RPE65: variants seen among roughly 807,000 people sequenced by gnomAD.
RPE65 encodes the protein retinoid isomerohydrolase RPE65, also known as retinoid isomerohydrolase.
In RPE65, 58 loss-of-function variants were observed where a neutral mutation model predicts 68.5. The observed-to-expected ratio is 0.85, with a 90% CI of 0.69 to 1.05. The LOEUF (loss-of-function observed/expected upper bound fraction) is 1.05, where lower values mean the gene tolerates loss of function less well. RPE65 is among the 50% of genes least tolerant of loss of function. The probability of loss-of-function intolerance (pLI) is 0.00; values close to 1 mark genes in which losing one functional copy is unlikely to be tolerated. For missense variants in RPE65, 643 were observed against 629.9 expected (o/e 1.02, Z -0.22); for synonymous variants, 220 against 222.2 (o/e 0.99, Z 0.09).
chr1:68,431,281 C>T lies in RPE65; in HGVS notation c.1338+1G>A, dbSNP rs1057518922. On this transcript the variant is annotated splice_donor_variant, in intron 12 of 13. Transcript: ENST00000262340. LOFTEE classifies it high-confidence loss of function. ...AAATATTAGTAAGAAGGATTAATTA[C>T]CCTATCTGGAACAAAGTGATTCAAG... The T allele has an allele frequency of 6.2e-7, 1 of 1,613,550 alleles. No individual in the cohort carries two copies. The highest frequency in any genetic ancestry group is 8.5e-7 in the Non-Finnish European group (1 of 1,179,592).
At position 68,431,065 on chromosome 1, in the gene RPE65, C is replaced by T; in HGVS notation, c.1450G>A (p.Gly484Ser). The T allele has an allele frequency of 6.2e-7, 1 of 1,611,752 alleles. No homozygotes were observed. The highest frequency in any genetic ancestry group is 8.5e-7 in the Non-Finnish European group (1 of 1,178,032). ...SHPDALEEDD[G>S]VVLSVVVSPG... ...CAGACACAACAATTGCTTTCATTACCATCATCTTCTTCCAAGGCATCTGGG... is the reference window on the plus strand; with the variant it reads ...CAGACACAACAATTGCTTTCATTACTATCATCTTCTTCCAAGGCATCTGGG... Residue 484 changes from glycine to serine, a missense_variant and splice_region_variant, in exon 13 of 14, where the codon GGT becomes AGT. Gly to Ser is a moderately conservative substitution (Grantham distance 56). Coordinates refer to ENST00000262340, the MANE Select transcript of RPE65 (RefSeq NM_000329.3).
In RPE65 at chr1:68,438,247, A is replaced by AT. The variant is rs281865520; in HGVS notation, c.1067dup (p.Asn356LysfsTer9). ...CTTCAGGTTGGGGAGCCTTTCTGGC[A>AT]TTTTTTTTCACCTCTTCCCAGTTCT... On this transcript the variant is annotated frameshift_variant, in exon 10 of 14. Transcript: ENST00000262340. LOFTEE classifies it high-confidence loss of function. 1.2e-5 allele frequency: 19 copies of AT among 1,612,946 alleles called. No individual in the cohort carries two copies. The highest frequency in any genetic ancestry group is 1.6e-4 in the Middle Eastern group (1 of 6,062).
chr1:68,444,170 C>CATGAATGA (rs139237373), intron 5 of RPE65, among the ~76,000 whole-genome samples: 2 of 152,202 alleles, frequency 1.3e-5, no homozygotes, highest in Admixed American at 6.5e-5. Flanking sequence ...GTATTTGTGT[C>CATGAATGA]ATGAATGAAT....
At chr1:68,447,382 A>G (rs1460907918) in intron 2 of RPE65, among the ~76,000 whole-genome samples, 1 of 152,224 alleles carries the variant, frequency 6.6e-6, no homozygotes, top group Non-Finnish European at 1.5e-5. Flanking sequence ...AGTGTGAGCT[A>G]CTGCTTGGAT....
Position 68,438,456 on chromosome 1 carries a change from A to G in RPE65, c.999-140T>C, listed in dbSNP as rs995777666. ...ACTGCTATTGAGCCAGGTGTATCAG[A>G]GCCATTTCCTCCCGCCCACACAGGA... On this transcript the variant is annotated intron_variant, in intron 9 of 13. Coordinates refer to ENST00000262340, the MANE Select transcript of RPE65 (RefSeq NM_000329.3). 8.1e-5 allele frequency: 79 copies of G among 973,804 alleles called. No homozygotes were observed. The African/African-American group carries it at 1.1e-3, about 14-fold the overall frequency. The allele number at this position is 973,804 out of a possible 1,614,324, so 60.3% of individuals were successfully genotyped here.
At chr1:68,434,768 T>C (rs1342925320) in intron 10 of RPE65, among the ~76,000 whole-genome samples, 1 of 152,012 alleles carries the variant, frequency 6.6e-6, no homozygotes, top group Non-Finnish European at 1.5e-5. Context: ...CTTGTTCTGT[T>C]TTGTTTGTTT....
At position 68,444,828 on chromosome 1, in the gene RPE65, T is replaced by A; in HGVS notation, c.301A>T (p.Thr101Ser). Residue 101 changes from threonine (T) to serine (S), a missense_variant, in exon 4 of 14, where the codon ACA becomes TCA. Thr to Ser is a moderately conservative substitution (Grantham distance 58, BLOSUM62 1). Coordinates refer to ENST00000262340, the MANE Select transcript of RPE65 (RefSeq NM_000329.3). Reference sequence around the variant, plus strand: ...GGGAAAGCACAGGTGCCAAATTCTGTTATGACGATCCTTTTCTCAGTCATT... The same window carrying A: ...GGGAAAGCACAGGTGCCAAATTCTGATATGACGATCCTTTTCTCAGTCATT... ...RAMTEKRIVI[T>S]EFGTCAFPDP... is the part of the protein sequence containing the mutation. 3.1e-6 allele frequency: 5 copies of A among 1,614,080 alleles called. No homozygotes were observed. The highest frequency in any genetic ancestry group is 4.2e-6 in the Non-Finnish European group (5 of 1,180,010).
chr1:68,433,443 T>C (rs958578637), intron 10 of RPE65, among the ~76,000 whole-genome samples: 3 of 152,040 alleles, frequency 2.0e-5, no homozygotes, highest in South Asian at 2.1e-4. Flanking sequence ...GATAGGAAGA[T>C]GGATAATTCA....
rs747569700 is a variant in RPE65, at chr1:68,444,770, A to G, written c.353+6T>C. ...CTTGAGTAACATTCAGTTTGGGTTC[A>G]GTAACCTGGAAAATATATTCTTGCA... On this transcript the variant is annotated splice_donor_region_variant and intron_variant, in intron 4 of 13. Coordinates refer to ENST00000262340, the MANE Select transcript of RPE65 (RefSeq NM_000329.3). 1 of 1,614,152 alleles carries G rather than the reference A, an allele frequency of 6.2e-7. No individual in the cohort carries two copies. The highest frequency in any genetic ancestry group is 1.1e-5 in the South Asian group (1 of 91,088).
chr1:68,446,692 C>T lies in RPE65; in HGVS notation c.245+18G>A, dbSNP rs757653340. 3.3e-5 allele frequency: 53 copies of T among 1,613,984 alleles called. No individual in the cohort carries two copies. Among genetic ancestry groups the T allele is most frequent in the Middle Eastern group, 1.7e-4 (1 of 6,046 alleles). On this transcript the variant is annotated intron_variant, in intron 3 of 13. Coordinates refer to ENST00000262340, the MANE Select transcript of RPE65 (RefSeq NM_000329.3). ...GCCCTACTTTGAGGAGGAGGAGTGG[C>T]ATGGAGTGCTGCTTTACCTTCTGTG... is the stretch of plus-strand genomic sequence containing the variant.
intron 3 of RPE65, among the ~76,000 whole-genome samples, chr1:68,445,880 TC>T (rs1645939089): frequency 6.6e-6 from 1 of 151,826 alleles, no homozygotes; most frequent in Non-Finnish European, 1.5e-5. Context: ...TTATCTGAAC[TC>T]CACAGTAAGC....
rs892723493 is a variant in RPE65 at position 68,446,800 on chromosome 1, A to T, written c.155T>A (p.Val52Asp). 6.2e-7 allele frequency: 1 copy of T among 1,614,152 alleles called. No individual in the cohort carries two copies. Reference protein sequence around the residue: ...LLRCGPGLFEVGSEPFYHLFD... With the variant: ...LLRCGPGLFEDGSEPFYHLFD... ...CAGGTGGTAAAATGGCTCAGATCCA[A>T]CTTCAAAGAGTCCTGGCCCACATCG... Residue 52 changes from valine (V) to aspartate (D), a missense_variant, in exon 3 of 14, where the codon GTT becomes GAT. Transcript: ENST00000262340.
At chr1:68,439,523 G>C (rs1645885354) in intron 7 of RPE65, 38 bp downstream of exon 7, 3 of 1,602,672 alleles carry the variant, frequency 1.9e-6, no homozygotes, top group African/African-American at 2.7e-5. Context: ...CTTTAAACTT[G>C]AGTTTTCCTG....
intron 10 of RPE65, among the ~76,000 whole-genome samples, chr1:68,436,896 C>A (rs1304986847): frequency 6.6e-6 from 1 of 152,126 alleles, no homozygotes; most frequent in East Asian, 1.9e-4. Flanking sequence ...TAATTAGATA[C>A]CAACTGCTGT....
chr1:68,435,622 T>TGCGTATCTCCCTCTCC (rs1553152784), intron 10 of RPE65, among the ~76,000 whole-genome samples: 2 of 152,210 alleles, frequency 1.3e-5, no homozygotes, highest in Admixed American at 1.3e-4. Context: ...CAATTCTCTC[T>TGCGTATCTCCCTCTCC]GCGTATCTCC....
chr1:68,431,721 G>A (rs1645827727), intron 10 of RPE65, 136 bp from the exon 11 acceptor site: 2 of 750,394 alleles, frequency 2.7e-6, no homozygotes, highest in Non-Finnish European at 4.7e-6. Context: ...AGCTATAGAT[G>A]AGGGACCCTG....
intron 10 of RPE65, among the ~76,000 whole-genome samples, chr1:68,435,128 C>T (rs1270187273): frequency 6.6e-6 from 1 of 152,078 alleles, no homozygotes; most frequent in African/African-American, 2.4e-5. Context: ...CTGCACTCAT[C>T]TTTGTGACGT....
chr1:68,449,633 G>A (rs1369952254), intron 1 of RPE65, among the ~76,000 whole-genome samples: 2 of 152,164 alleles, frequency 1.3e-5, no homozygotes, highest in Non-Finnish European at 2.9e-5. Context: ...TGGGCAAGGA[G>A]TGGAGCCCAA....
rs1170457894 is a variant in RPE65, at chr1:68,446,721, T to C, written c.234A>G (p.Thr78=). The part of the protein sequence containing the change: ...HKFDFKEGHV[T]YHRRFIRTDA... ...GAGTGCTGCTTTACCTTCTGTGGTA[T>C]GTGACATGTCCTTCTTTAAAGTCAA... The change falls in exon 3 of 14, where the codon ACA becomes ACG. Residue 78 remains threonine (T), a synonymous_variant. Transcript: ENST00000262340. The C allele has an allele frequency of 6.2e-7, 1 of 1,614,226 alleles. No homozygotes were observed. The highest frequency in any genetic ancestry group is 1.7e-5 in the Admixed American group (1 of 60,024).
Sources: allele counts gnomAD v4.1 joint callset (sites outside exome capture counted in the v4.1 genomes callset), GRCh38; gene constraint gnomAD v4.1.1; transcripts MANE v1.5; gene names NCBI Gene and HGNC (gene_info 2026-07-23, HGNC 2026-07-21).